The following KCNK10 variants were observed in gnomAD, a reference collection of about 807,000 sequenced individuals.
The protein encoded by KCNK10 is potassium two pore domain channel subfamily K member 10.
KCNK10 carries 25 observed loss-of-function variants against 47.7 expected under a neutral mutation model. The observed-to-expected ratio is 0.52, with a 90% CI of 0.38 to 0.73. KCNK10 has a LOEUF of 0.73. Ranked by LOEUF, KCNK10 falls within the 30% of genes least tolerant of loss-of-function variation. The pLI, the probability that KCNK10 is intolerant of heterozygous loss-of-function variation, is 0.00. For synonymous variants in KCNK10, 303 were observed against 285.6 expected, an observed-to-expected ratio of 1.06 and a Z score of -0.61; for missense variants, 563 against 714.5, an observed-to-expected ratio of 0.79 and a Z score of 2.42.
At chr14:88,303,184 T>G (rs981746396) in intron 1 of KCNK10, among the ~76,000 whole-genome samples, 2 of 152,198 alleles carry the variant, frequency 1.3e-5, no homozygotes, top group Non-Finnish European at 2.9e-5. Flanking sequence ...AACTGAAGTC[T>G]GGGTCCTTGA....
intron 1 of KCNK10, among the ~76,000 whole-genome samples, chr14:88,268,464 T>C (rs942998794): frequency 6.6e-6 from 1 of 152,132 alleles, no homozygotes; most frequent in African/African-American, 2.4e-5. Flanking sequence ...AATGGCTAAG[T>C]CAAGGTTAAG....
At position 88,187,948 on chromosome 14, in the gene KCNK10, G is replaced by A; in HGVS notation, c.1011+19C>T. The A allele has an allele frequency of 1.2e-6, 2 of 1,613,616 alleles. No homozygotes were observed. The highest frequency in any genetic ancestry group is 1.7e-6 in the Non-Finnish European group (2 of 1,179,728). On this transcript the variant is annotated intron_variant, in intron 6 of 6. Coordinates refer to ENST00000319231, the MANE Select transcript of KCNK10 (RefSeq NM_138317.3). ...CATCTGTTCTCAGGAACATTCATAG[G>A]GTTAGGAAGGGGTCCTACCTCTTCT...
At position 88,215,080 on chromosome 14, in the gene KCNK10, A is replaced by G. The variant is rs561259018; in HGVS notation, c.681+12295T>C. Among the ~76,000 whole-genome samples the G allele has an allele frequency of 2.0e-5, 3 of 152,298 alleles. No individual in the cohort carries two copies. The South Asian group carries it at 6.2e-4, about 32-fold the overall frequency. Reference sequence around the variant, plus strand: ...AGCATTCCAAACTCATATAATTAAGAAACAATAATGATCTCTTTGGCAGGG... The same window carrying G: ...AGCATTCCAAACTCATATAATTAAGGAACAATAATGATCTCTTTGGCAGGG... On this transcript the variant is annotated intron_variant, in intron 4 of 6. Transcript: ENST00000319231.
chr14:88,200,630 G>A (rs1362920884), intron 4 of KCNK10, among the ~76,000 whole-genome samples: 1 of 152,212 alleles, frequency 6.6e-6, no homozygotes, highest in African/African-American at 2.4e-5. Context: ...GAACTGGACA[G>A]GAACACCTAC....
rs1157551284 is a variant in KCNK10 at position 88,183,558 on chromosome 14, A to C, written c.*1977T>G. ...TAAAACTCAACATCCACACCTGCAT[A>C]AACATCGCCTCCCAAGTGACTATTT... On this transcript the variant is annotated 3_prime_UTR_variant, in exon 7 of 7. Coordinates refer to ENST00000319231, the MANE Select transcript of KCNK10 (RefSeq NM_138317.3). 6.6e-6 allele frequency: 1 copy of C among 152,398 alleles called. No individual in the cohort carries two copies. Among genetic ancestry groups the C allele is most frequent in the Non-Finnish European group, 1.5e-5 (1 of 68,052 alleles). 9.4% of individuals were successfully genotyped at this position (152,398 alleles called of 1,614,324 possible).
At chr14:88,276,246 A>G (rs1224282937) in intron 1 of KCNK10, among the ~76,000 whole-genome samples, 1 of 132,076 alleles carries the variant, frequency 7.6e-6, no homozygotes, top group Non-Finnish European at 1.5e-5. Flanking sequence ...AATTGGATTC[A>G]TGCCCTTATA....
chr14:88,276,421 A>C (rs1016092994), intron 1 of KCNK10, among the ~76,000 whole-genome samples: 3 of 152,112 alleles, frequency 2.0e-5, no homozygotes, highest in Non-Finnish European at 4.4e-5. Flanking sequence ...TCTGTTGTGC[A>C]AAAGCTACTC....
intron 1 of KCNK10, among the ~76,000 whole-genome samples, chr14:88,309,431 G>A (rs1040902916): frequency 6.6e-6 from 1 of 152,002 alleles, no homozygotes; most frequent in Non-Finnish European, 1.5e-5. Flanking sequence ...GCAAAATCCC[G>A]TCTCTACAAA....
At chr14:88,302,675 A>G (rs917214962) in intron 1 of KCNK10, among the ~76,000 whole-genome samples, 2 of 152,124 alleles carry the variant, frequency 1.3e-5, no homozygotes, top group Admixed American at 1.3e-4. Flanking sequence ...GTGCCACTGC[A>G]CTCCAGCCTG....
chr14:88,228,129 C>T (rs1419671504), intron 3 of KCNK10, among the ~76,000 whole-genome samples: 1 of 140,276 alleles, frequency 7.1e-6, no homozygotes, highest in Admixed American at 6.8e-5. Context: ...AGTGAAGTTT[C>T]GCCCCATCTG....
chr14:88,311,044 A>T (rs954507298), intron 1 of KCNK10, among the ~76,000 whole-genome samples: 2 of 152,324 alleles, frequency 1.3e-5, no homozygotes, highest in South Asian at 2.1e-4. Flanking sequence ...CCATTGCTTT[A>T]AGATACACCT....
chr14:88,205,774 C>T (rs1885253547), intron 4 of KCNK10, among the ~76,000 whole-genome samples: 1 of 152,030 alleles, frequency 6.6e-6, no homozygotes, highest in Non-Finnish European at 1.5e-5. Context: ...AATCTCTTGA[C>T]CTCATGATCC....
intron 2 of KCNK10, among the ~76,000 whole-genome samples, chr14:88,245,912 T>C (rs576522821): frequency 2.1e-3 from 317 of 152,274 alleles, no homozygotes; most frequent in Admixed American, 3.7e-3. Context: ...ACTGTTTGTC[T>C]CTCGAGAAAG....
Position 88,192,326 on chromosome 14 carries a change from G to A in KCNK10, c.766C>T (p.Pro256Ser). Residue 256 changes from proline to serine, a missense_variant, in exon 5 of 7, where the codon CCT becomes TCT. By Grantham distance (74) the Pro-to-Ser change is moderately conservative. Transcript: ENST00000319231. Reference sequence around the variant, plus strand: ...TCGATGTACTTAAAGATGACAGCAGGGATCGTCACAAACACAATGCAGCCG... The same window carrying A: ...TCGATGTACTTAAAGATGACAGCAGAGATCGTCACAAACACAATGCAGCCG... The part of the protein sequence containing the change: ...LAGCIVFVTI[P>S]AVIFKYIEGW... 6.2e-7 allele frequency: 1 copy of A among 1,614,084 alleles called. No individual in the cohort carries two copies. Among genetic ancestry groups the A allele is most frequent in the Non-Finnish European group, 8.5e-7 (1 of 1,180,014 alleles).
intron 4 of KCNK10, among the ~76,000 whole-genome samples, chr14:88,196,158 C>T (rs900223492): frequency 2.0e-5 from 3 of 152,190 alleles, no homozygotes; most frequent in African/African-American, 7.2e-5. Flanking sequence ...CAGTATTTTG[C>T]AAAACTATCT....
intron 1 of KCNK10, among the ~76,000 whole-genome samples, chr14:88,321,259 T>A (rs1403035427): frequency 6.6e-6 from 1 of 152,154 alleles, no homozygotes; most frequent in Non-Finnish European, 1.5e-5. Flanking sequence ...CTCCTATACA[T>A]CCTCCAGGCC....
chr14:88,276,885 C>T (rs374900898), intron 1 of KCNK10, among the ~76,000 whole-genome samples: 26 of 152,230 alleles, frequency 1.7e-4, no homozygotes, highest in African/African-American at 6.0e-4. Flanking sequence ...CCAAGTGTAC[C>T]TCCCTATAAA....
At chr14:88,250,796 C>A (rs747023889) in intron 2 of KCNK10, among the ~76,000 whole-genome samples, 2 of 152,070 alleles carry the variant, frequency 1.3e-5, no homozygotes, top group African/African-American at 4.8e-5. Context: ...GAGGCTGAGA[C>A]AGAAAAATCA....
intron 1 of KCNK10, among the ~76,000 whole-genome samples, chr14:88,273,256 C>G (rs1045841228): frequency 6.6e-6 from 1 of 152,136 alleles, no homozygotes; most frequent in African/African-American, 2.4e-5. Context: ...AAGGGGAGAA[C>G]TGGGCTGGGC....
Sources: gnomAD v4.1 joint callset for allele counts (sites outside exome capture counted in the v4.1 genomes callset) on GRCh38, gnomAD v4.1.1 for gene constraint, MANE v1.5 for transcripts, NCBI Gene and HGNC (gene_info 2026-07-23, HGNC 2026-07-21) for gene names.